Variants in CUL4A observed in about 807,000 individuals in gnomAD.
The protein encoded by CUL4A is cullin 4A, also known as cullin-4A.
CUL4A carries 16 observed loss-of-function variants against 95.5 expected under a neutral mutation model. That is an observed-to-expected ratio of 0.17 (90% CI 0.11 to 0.25). The LOEUF (loss-of-function observed/expected upper bound fraction) is 0.25. CUL4A is among the 10% of genes least tolerant of loss of function. The probability of loss-of-function intolerance (pLI) is 1.00; values close to 1 mark genes in which losing one functional copy is unlikely to be tolerated. For synonymous variants in CUL4A, 380 were observed against 353.1 expected (o/e 1.08, Z -0.85); for missense variants, 610 against 937.0 (o/e 0.65, Z 4.56).
intron 16 of CUL4A, 38 bp downstream of exon 16, chr13:113,253,233 AAT>A (rs757443904): frequency 9.1e-7 from 1 of 1,098,304 alleles, no homozygotes; most frequent in East Asian, 2.8e-5. Flanking sequence ...ATTATTTGTA[AAT>A]ATGTTAATAT....
intron 10 of CUL4A, among the ~76,000 whole-genome samples, chr13:113,242,189 T>C (rs2041733387): frequency 6.6e-6 from 1 of 151,214 alleles, no homozygotes; most frequent in South Asian, 2.1e-4. Flanking sequence ...CCCAGCTACA[T>C]GGGAGGCGGA....
At chr13:113,209,603 G>A, upstream of CUL4A, 1 of 1,013,476 alleles carries the variant, frequency 9.9e-7, no homozygotes, top group Non-Finnish European at 1.2e-6. Context: ...CGCTCGGGGC[G>A]GGGCGCGGCG....
At chr13:113,234,948 G>C in intron 7 of CUL4A, 115 bp from the exon 8 acceptor site, 10 of 716,682 alleles carry the variant, frequency 1.4e-5, no homozygotes, top group Non-Finnish European at 2.4e-5. Context: ...TATTTGGCTT[G>C]AATATGTATT....
At chr13:113,247,140 C>G (rs950407522) in intron 15 of CUL4A, among the ~76,000 whole-genome samples, 5 of 152,060 alleles carry the variant, frequency 3.3e-5, no homozygotes, top group African/African-American at 1.2e-4. Context: ...AATCAGATCT[C>G]GTGGTAACTC....
upstream of CUL4A, chr13:113,208,915 A>G: frequency 1.5e-6 from 2 of 1,360,650 alleles, no homozygotes; most frequent in Non-Finnish European, 1.9e-6. Context: ...TCCAGTGGCG[A>G]GGACAGCCCC....
intron 2 of CUL4A, among the ~76,000 whole-genome samples, chr13:113,211,962 A>T (rs1409471866): frequency 1.3e-5 from 2 of 151,444 alleles, no homozygotes; most frequent in African/African-American, 4.9e-5. Flanking sequence ...CTCCAGTTCC[A>T]CTCCGCCACC....
In CUL4A at chr13:113,229,529, C is replaced by T; in HGVS notation, c.512+10C>T. ...CGCTGCCCTCCATCTGGTGAGTGTC[C>T]TCACAGCGCAGAGCTGCGTCTTCCC... On this transcript the variant is annotated intron_variant, in intron 5 of 19. Transcript: ENST00000375440. The T allele has an allele frequency of 6.2e-7, 1 of 1,610,886 alleles. No homozygotes were observed. Among genetic ancestry groups the T allele is most frequent in the Non-Finnish European group, 8.5e-7 (1 of 1,178,456 alleles).
rs145951553 is a variant in CUL4A at position 113,242,510 on chromosome 13, C to G, written c.1036-458C>G. On this transcript the variant is annotated intron_variant, in intron 10 of 19. Transcript: ENST00000375440. The stretch of plus-strand genomic sequence containing the variant: ...TTGTGTATTTAATTGTATATTCACA[C>G]CAAGCACAGGGGCTCATGCCTGTAA... Among the ~76,000 whole-genome samples the G allele has an allele frequency of 5.6e-3, 849 of 152,264 alleles. 6 individuals carry two copies. Among genetic ancestry groups the G allele is most frequent in the Admixed American group, 0.011 (161 of 15,292 alleles).
rs143435230 is a variant in CUL4A, at chr13:113,242,904, C to T, written c.1036-64C>T. 143 of 1,245,206 alleles carry T rather than the reference C, an allele frequency of 1.1e-4. No homozygotes were observed. The African/African-American group carries it at 1.8e-3, about 16-fold the overall frequency. 77.1% of individuals were successfully genotyped at this position (1,245,206 alleles called of 1,614,324 possible). Reference sequence around the variant, plus strand: ...TTAAACTATCCTGATTATATGATAGCAGGAGAAGATACTGTTTGCTATTGT... The same window carrying T: ...TTAAACTATCCTGATTATATGATAGTAGGAGAAGATACTGTTTGCTATTGT... On this transcript the variant is annotated intron_variant, in intron 10 of 19. Coordinates refer to ENST00000375440, the MANE Select transcript of CUL4A (RefSeq NM_001008895.4).
chr13:113,222,307 G>T (rs1039519207), intron 3 of CUL4A, among the ~76,000 whole-genome samples: 2 of 152,098 alleles, frequency 1.3e-5, no homozygotes, highest in Non-Finnish European at 2.9e-5. Flanking sequence ...TGTGCACTGT[G>T]GTGTGAGGGG....
At chr13:113,229,312 AT>A (rs2041225209) in intron 4 of CUL4A, 133 bp from the exon 5 acceptor site, 1 of 687,192 alleles carries the variant, frequency 1.5e-6, no homozygotes, top group African/African-American at 1.8e-5. Context: ...GAAAAAAAAA[AT>A]AAAACATGAG....
chr13:113,250,110 C>T (rs758088399), intron 15 of CUL4A, among the ~76,000 whole-genome samples: 1 of 152,076 alleles, frequency 6.6e-6, no homozygotes, highest in Non-Finnish European at 1.5e-5. Flanking sequence ...CATTTATTTT[C>T]TCTTTTGTAA....
intron 9 of CUL4A, among the ~76,000 whole-genome samples, chr13:113,237,384 T>C (rs1238458637): frequency 6.6e-6 from 1 of 152,224 alleles, no homozygotes; most frequent in Non-Finnish European, 1.5e-5. Context: ...CCTGGTTTTC[T>C]GGAAGAGAAG....
intron 1 of CUL4A, 91 bp downstream of exon 1, chr13:113,209,866 TGCGGGCCCCGGGA>T (rs2040296339): frequency 8.6e-7 from 1 of 1,159,546 alleles, no homozygotes. Flanking sequence ...CCGAGATCCG[TGCGGGCCCCGGGA>T]GCGGGGGCGC....
chr13:113,245,905 T>G, intron 14 of CUL4A, 51 bp from the exon 15 acceptor site: 1 of 1,306,210 alleles, frequency 7.7e-7, no homozygotes, highest in Non-Finnish European at 1.1e-6. Context: ...TTTAGGTTAA[T>G]TATGTTTTAT....
intron 3 of CUL4A, among the ~76,000 whole-genome samples, chr13:113,223,237 C>T (rs1410391741): frequency 6.6e-6 from 1 of 152,170 alleles, no homozygotes; most frequent in Non-Finnish European, 1.5e-5. Flanking sequence ...AGTTCTGACC[C>T]AGCCCAGTCT....
chr13:113,209,841 C>G (rs2040293554), intron 1 of CUL4A, 66 bp downstream of exon 1: 20 of 1,158,650 alleles, frequency 1.7e-5, no homozygotes, highest in Non-Finnish European at 2.1e-5. Flanking sequence ...CCCCGCCCGA[C>G]TTGGGGGGAA....
intron 18 of CUL4A, among the ~76,000 whole-genome samples, chr13:113,255,425 A>G (rs1161272958): frequency 6.6e-6 from 1 of 152,186 alleles, no homozygotes; most frequent in African/African-American, 2.4e-5. Flanking sequence ...TTTCTATGGT[A>G]ATAGAATCTG....
chr13:113,241,208 A>T (rs576824330), intron 10 of CUL4A, among the ~76,000 whole-genome samples: 1 of 152,188 alleles, frequency 6.6e-6, no homozygotes, highest in South Asian at 2.1e-4. Context: ...TCTTCAGGGG[A>T]TGGGAATGTG....
Sources: gnomAD v4.1 joint callset for allele counts (sites outside exome capture counted in the v4.1 genomes callset) on GRCh38, gnomAD v4.1.1 for gene constraint, MANE v1.5 for transcripts, NCBI Gene and HGNC (gene_info 2026-07-23, HGNC 2026-07-21) for gene names.